The following SDK1 variants were observed in gnomAD, a reference collection of about 807,000 sequenced individuals.
SDK1 encodes the protein protein sidekick-1.
A neutral mutation model predicts 245.5 loss-of-function variants in SDK1; 157 were observed. The observed-to-expected ratio is 0.64, with a 90% confidence interval of 0.56 to 0.73. The LOEUF is 0.73. SDK1 is among the 30% of genes least tolerant of loss of function. SDK1 has a pLI of 0.00. For synonymous variants in SDK1, 1,647 were observed against 1,278.5 expected (o/e 1.29, Z -6.15); for missense variants, 3,583 against 3,002.3 (o/e 1.19, Z -4.52).
At chr7:3,499,421 A>G (rs541964271) in intron 1 of SDK1, among the ~76,000 whole-genome samples, 86 of 152,256 alleles carry the variant, frequency 5.6e-4, no homozygotes, top group African/African-American at 2.0e-3. Context: ...AATGTGTAGT[A>G]TGGTGTAAAG....
At chr7:3,698,855 T>C (rs1784655618) in intron 4 of SDK1, among the ~76,000 whole-genome samples, 1 of 152,210 alleles carries the variant, frequency 6.6e-6, no homozygotes, top group Non-Finnish European at 1.5e-5. Context: ...TTCCCAAATG[T>C]CCTATCTCTA....
At chr7:3,378,455 T>C (rs1403117421) in intron 1 of SDK1, among the ~76,000 whole-genome samples, 1 of 152,140 alleles carries the variant, frequency 6.6e-6, no homozygotes, top group Non-Finnish European at 1.5e-5. Context: ...ATATTCACTT[T>C]GACATTTTCT....
At chr7:3,335,293 CTTTA>C (rs1012634606) in intron 1 of SDK1, among the ~76,000 whole-genome samples, 1 of 152,102 alleles carries the variant, frequency 6.6e-6, no homozygotes, top group Non-Finnish European at 1.5e-5. Context: ...AGTTATCTTT[CTTTA>C]TTTACCCCCT....
chr7:3,835,856 C>T (rs1042771046), intron 5 of SDK1, among the ~76,000 whole-genome samples: 16 of 152,196 alleles, frequency 1.1e-4, no homozygotes, highest in African/African-American at 3.9e-4. Flanking sequence ...TTTTCCCACA[C>T]ATCCTGAGTT....
At chr7:3,832,383 A>C (rs1306658207) in intron 5 of SDK1, among the ~76,000 whole-genome samples, 2 of 152,236 alleles carry the variant, frequency 1.3e-5, no homozygotes, top group African/African-American at 4.8e-5. Flanking sequence ...GTAGCAGTTC[A>C]ACTCCACCTT....
At chr7:4,188,203 A>G (rs944943043) in intron 35 of SDK1, among the ~76,000 whole-genome samples, 1 of 152,230 alleles carries the variant, frequency 6.6e-6, no homozygotes, top group Non-Finnish European at 1.5e-5. Context: ...ATCTGCCTTT[A>G]GTTGCATATC....
chr7:4,102,032 G>A (rs77815745), intron 22 of SDK1, among the ~76,000 whole-genome samples: 1,565 of 152,256 alleles, frequency 0.01, 20 homozygotes, highest in Admixed American at 0.028. Flanking sequence ...CAAAACAAAC[G>A]ACAACCCGGA....
chr7:3,617,406 C>T lies in SDK1; in HGVS notation c.299-1674C>T, dbSNP rs180900883. ...TAATGACTTGTTAGAGCATATTGTG[C>T]AGGAGGAGCTTTAGTTAACCTGAAG... On this transcript the variant is annotated intron_variant, in intron 1 of 44. Transcript: ENST00000404826. Among the ~76,000 whole-genome samples, 18 of 152,260 alleles carry T rather than the reference C, an allele frequency of 1.2e-4. 1 individual carries two copies. Among genetic ancestry groups the T allele is most frequent in the Admixed American group, 1.0e-3 (16 of 15,298 alleles).
At chr7:3,756,983 G>A (rs560983510) in intron 4 of SDK1, among the ~76,000 whole-genome samples, 186 of 151,702 alleles carry the variant, frequency 1.2e-3, no homozygotes, top group African/African-American at 3.2e-3. Flanking sequence ...TTTTTTTTCC[G>A]TATCCTATTC....
At chr7:3,752,112 T>C (rs1779792564) in intron 4 of SDK1, among the ~76,000 whole-genome samples, 1 of 152,236 alleles carries the variant, frequency 6.6e-6, no homozygotes, top group Non-Finnish European at 1.5e-5. Flanking sequence ...GCCTGTATTA[T>C]TGAACGTATA....
At chr7:3,578,552 C>T (rs529602495) in intron 1 of SDK1, among the ~76,000 whole-genome samples, 26 of 151,978 alleles carry the variant, frequency 1.7e-4, no homozygotes, top group African/African-American at 6.3e-4. Flanking sequence ...TGCAGGAGAC[C>T]AGGGTGTATT....
intron 1 of SDK1, among the ~76,000 whole-genome samples, chr7:3,546,492 C>T (rs1029997717): frequency 1.3e-5 from 2 of 152,164 alleles, no homozygotes; most frequent in Non-Finnish European, 2.9e-5. Context: ...GAATCATGGA[C>T]ACTTGTTTTA....
chr7:4,244,818 G>A (rs570231167), intron 43 of SDK1, among the ~76,000 whole-genome samples: 3 of 152,172 alleles, frequency 2.0e-5, no homozygotes, highest in Non-Finnish European at 4.4e-5. Context: ...GCATGACTGA[G>A]GGCCCCAGCC....
At chr7:3,788,798 C>A (rs1780990084) in intron 4 of SDK1, among the ~76,000 whole-genome samples, 1 of 152,150 alleles carries the variant, frequency 6.6e-6, no homozygotes, top group South Asian at 2.1e-4. Flanking sequence ...CCCAAAGGTC[C>A]CTCAAAAAGC....
chr7:3,723,765 C>CATATACACGTGTATATACACGTGT (rs1239485570), intron 4 of SDK1, among the ~76,000 whole-genome samples: 1 of 148,984 alleles, frequency 6.7e-6, no homozygotes, highest in African/African-American at 2.5e-5. Flanking sequence ...CGTACATATA[C>CATATACACGTGTATATACACGTGT]ATATACACGT....
intron 32 of SDK1, among the ~76,000 whole-genome samples, chr7:4,171,372 G>A (rs562156490): frequency 2.3e-4 from 35 of 152,378 alleles, no homozygotes; most frequent in African/African-American, 8.2e-4. Context: ...AAGCAGCGCC[G>A]GGGAGGGAGC....
chr7:3,947,528 G>T (rs1780627570), intron 5 of SDK1, among the ~76,000 whole-genome samples: 4 of 120,868 alleles, frequency 3.3e-5, no homozygotes, highest in Admixed American at 1.9e-4. Flanking sequence ...AGAAGTATTT[G>T]CTTGTGTGTG....
chr7:4,266,617 G>A lies in SDK1; in HGVS notation c.*1233G>A, dbSNP rs956357791. The A allele has an allele frequency of 4.7e-5, 46 of 985,330 alleles. No homozygotes were observed. The African/African-American group carries it at 6.8e-4, about 15-fold the overall frequency. 61.0% of individuals were successfully genotyped at this position (985,330 alleles called of 1,614,324 possible). A position where few individuals can be genotyped will look rare whatever the true frequency, so the allele number is the denominator to read the frequency against. On this transcript the variant is annotated 3_prime_UTR_variant, in exon 45 of 45. Coordinates refer to ENST00000404826, the MANE Select transcript of SDK1 (RefSeq NM_152744.4). ...GTCATTGTTTGGTTTAAATTTTTCA[G>A]CTAGATGAAAAGAGTATGAACTACT... is the stretch of plus-strand genomic sequence containing the variant.
At chr7:3,644,861 A>G (rs904305925) in intron 4 of SDK1, among the ~76,000 whole-genome samples, 1 of 151,372 alleles carries the variant, frequency 6.6e-6, no homozygotes, top group Admixed American at 6.6e-5. Flanking sequence ...ATATTCTAGA[A>G]GTTTCCAGTG....
Sources: gnomAD v4.1 joint callset for allele counts (sites outside exome capture counted in the v4.1 genomes callset) on GRCh38, gnomAD v4.1.1 for gene constraint, MANE v1.5 for transcripts, NCBI Gene and HGNC (gene_info 2026-07-23, HGNC 2026-07-21) for gene names.